VCL: variants seen among roughly 807,000 people sequenced by gnomAD.
The protein encoded by VCL is vinculin.
Under a neutral mutation model 125.7 loss-of-function variants are expected in VCL, and 47 were observed. The observed-to-expected ratio is 0.37, with a 90% CI of 0.30 to 0.48. The LOEUF is 0.48. Among genes scored for constraint, VCL ranks in the 20% least tolerant of loss-of-function variants. The pLI is 0.99. For synonymous variants in VCL, 458 were observed against 514.6 expected (o/e 0.89, Z 1.49); for missense variants, 1,069 against 1,455.5 (o/e 0.73, Z 4.32).
intron 14 of VCL, among the ~76,000 whole-genome samples, chr10:74,103,034 T>C (rs1388396374): frequency 6.6e-6 from 1 of 152,038 alleles, no homozygotes; most frequent in East Asian, 1.9e-4. Flanking sequence ...ACCCGGCTAG[T>C]TTTTTGTATT....
chr10:74,028,325 C>G (rs1421666673), intron 1 of VCL, among the ~76,000 whole-genome samples: 1 of 151,518 alleles, frequency 6.6e-6, no homozygotes, highest in African/African-American at 2.4e-5. Flanking sequence ...TTCAAGTGAT[C>G]TTCCAGCCTT....
chr10:74,021,591 C>T (rs1287770963), intron 1 of VCL, among the ~76,000 whole-genome samples: 1 of 152,096 alleles, frequency 6.6e-6, no homozygotes, highest in African/African-American at 2.4e-5. Context: ...TCTGTAAAAC[C>T]AAAACATGAT....
intron 5 of VCL, among the ~76,000 whole-genome samples, chr10:74,073,933 T>C (rs982759985): frequency 1.3e-5 from 2 of 152,142 alleles, no homozygotes; most frequent in East Asian, 3.8e-4. Flanking sequence ...CATATGAGTA[T>C]AAGAGTTCAG....
intron 18 of VCL, 116 bp downstream of exon 18, chr10:74,109,272 T>G (rs534716766): frequency 7.6e-7 from 1 of 1,324,142 alleles, no homozygotes; most frequent in South Asian, 1.2e-5. Context: ...CTCCTTTGGT[T>G]CCTGTGTTGC....
chr10:74,084,787 T>G (rs529542968), intron 8 of VCL, among the ~76,000 whole-genome samples: 1 of 151,128 alleles, frequency 6.6e-6, no homozygotes, highest in South Asian at 2.1e-4. Context: ...TAAGTTTGTA[T>G]TTTTAGTAGA....
At chr10:74,011,977 A>G (rs190286090) in intron 1 of VCL, among the ~76,000 whole-genome samples, 9 of 152,358 alleles carry the variant, frequency 5.9e-5, no homozygotes, top group Middle Eastern at 3.4e-3. Context: ...TTAAGGGGAA[A>G]GTGGCTGAAT....
Position 74,071,053 on chromosome 10 carries a change from T to A in VCL, c.469T>A (p.Leu157Met). Residue 157 changes from leucine to methionine, a missense_variant, in exon 4 of 22, where the codon TTG becomes ATG. Physicochemically the swap from Leu to Met is conservative, Grantham distance 15 (BLOSUM62 2). Around this residue, in one of 6 missense-constraint regions of VCL, gnomAD observed 760 missense variants for 928.9 expected, o/e 0.82. Transcript: ENST00000211998. The surrounding 1 kb of genome is among the most constrained non-coding windows in gnomAD (Gnocchi z 4.1). ...AGAGGTGGTGGAGACTATGGAAGAT[T>A]TGGTCACTTACACAAAGAATCTTGG... is the stretch of plus-strand genomic sequence containing the variant. The part of the protein sequence containing the change: ...VAEVVETMED[L>M]VTYTKNLGPG... 1 of 1,614,142 alleles carries A rather than the reference T, an allele frequency of 6.2e-7. No individual in the cohort carries two copies. Among genetic ancestry groups the A allele is most frequent in the Non-Finnish European group, 8.5e-7 (1 of 1,179,992 alleles).
At position 74,107,331 on chromosome 10, in the gene VCL, C is replaced by T; in HGVS notation, c.2536C>T (p.Pro846Ser). Residue 846 changes from proline to serine, a missense_variant, in exon 17 of 22, where the codon CCA (proline) becomes TCA (serine). Pro to Ser is a moderately conservative substitution (Grantham distance 74). This residue lies in a region of VCL where 760 missense variants were observed against 928.9 expected (regional missense o/e 0.82). Transcript: ENST00000211998. ...TCAGGAGCCTGACTTCCCGCCGCCT[C>T]CACCAGACCTTGAACAACTCCGAGT... ...QPQEPDFPPP[P>S]PDLEQLRLTD... is the part of the protein sequence containing the mutation. The T allele has an allele frequency of 1.2e-6, 2 of 1,614,174 alleles. No individual in the cohort carries two copies. The highest frequency in any genetic ancestry group is 1.7e-6 in the Non-Finnish European group (2 of 1,180,036).
rs191498883 is a variant in VCL, at chr10:74,046,861, T to G, written c.239+3708T>G. 6.8e-4 allele frequency among the ~76,000 whole-genome samples: 104 copies of G among 152,372 alleles called. 1 individual carries two copies. The highest frequency in any genetic ancestry group is 2.5e-3 in the African/African-American group (102 of 41,592). On this transcript the variant is annotated intron_variant, in intron 2 of 21. Transcript: ENST00000211998. The stretch of plus-strand genomic sequence containing the variant: ...CATATTCTGAAATATGCTATGTGCT[T>G]TCACAGACTTCTTTGGGGACTTAGA...
intron 1 of VCL, among the ~76,000 whole-genome samples, chr10:74,006,933 G>T (rs983047910): frequency 1.3e-5 from 2 of 152,032 alleles, no homozygotes; most frequent in Admixed American, 6.6e-5. Flanking sequence ...TAGTTATGAA[G>T]TGTTTATGTT....
intron 1 of VCL, among the ~76,000 whole-genome samples, chr10:74,022,784 G>A (rs150014740): frequency 0.077 from 11,661 of 151,338 alleles, 539 homozygotes; most frequent in Middle Eastern, 0.14. Flanking sequence ...TTACAGGTGC[G>A]TGCCACCACA....
At chr10:74,040,336 TA>T (rs1394796016) in intron 1 of VCL, among the ~76,000 whole-genome samples, 1 of 152,206 alleles carries the variant, frequency 6.6e-6, no homozygotes, top group Non-Finnish European at 1.5e-5. Flanking sequence ...AAGCAATGTT[TA>T]ATAACACTGA....
rs1342797534 is a variant in VCL at position 74,018,663 on chromosome 10, A to T, written c.168+20288A>T. ...GGTGGATTGTGTCCCTTGTGAAGGGACTCAGACGACATAAATCAGTTAAAA... is the reference window on the plus strand; with the variant it reads ...GGTGGATTGTGTCCCTTGTGAAGGGTCTCAGACGACATAAATCAGTTAAAA... On this transcript the variant is annotated intron_variant, in intron 1 of 21. Coordinates refer to ENST00000211998, the MANE Select transcript of VCL (RefSeq NM_014000.3). 6.2e-4 allele frequency among the ~76,000 whole-genome samples: 94 copies of T among 151,906 alleles called. 2 individuals carry two copies. Among genetic ancestry groups the T allele is most frequent in the Admixed American group, 6.2e-3 (94 of 15,208 alleles).
intron 1 of VCL, among the ~76,000 whole-genome samples, chr10:74,017,769 C>A (rs1350709121): frequency 6.6e-6 from 1 of 151,866 alleles, no homozygotes; most frequent in Non-Finnish European, 1.5e-5. Flanking sequence ...TTTTATTATA[C>A]TTAAAATTGT....
chr10:74,018,643 A>T (rs1225415073), intron 1 of VCL, among the ~76,000 whole-genome samples: 1 of 152,160 alleles, frequency 6.6e-6, no homozygotes, highest in Non-Finnish European at 1.5e-5. Flanking sequence ...GTTAAGGTGG[A>T]TTGTGTCCCT....
intron 2 of VCL, among the ~76,000 whole-genome samples, chr10:74,043,927 G>T (rs951701443): frequency 6.6e-6 from 1 of 151,678 alleles, no homozygotes; most frequent in Admixed American, 6.6e-5. Flanking sequence ...GGCTAACATG[G>T]TGAAACCCTG....
At chr10:74,073,450 G>C (rs1259532535) in intron 5 of VCL, among the ~76,000 whole-genome samples, 3 of 152,184 alleles carry the variant, frequency 2.0e-5, no homozygotes, top group African/African-American at 7.2e-5. Flanking sequence ...CCTTTGCTGG[G>C]AGGTGGACTC....
intron 1 of VCL, among the ~76,000 whole-genome samples, chr10:74,014,205 A>ATT (rs770665076): frequency 1.5e-4 from 23 of 152,028 alleles, no homozygotes; most frequent in Non-Finnish European, 3.1e-4. Context: ...TCAAGCATTA[A>ATT]TTGTCTTTTC....
intron 12 of VCL, 98 bp downstream of exon 12, chr10:74,095,953 G>A: frequency 7.1e-7 from 1 of 1,413,544 alleles, no homozygotes; most frequent in Non-Finnish European, 9.7e-7. Flanking sequence ...ATAATTTCTG[G>A]GGTCTAGGGA....
Sources: gnomAD v4.1 joint callset for allele counts (sites outside exome capture counted in the v4.1 genomes callset) on GRCh38, gnomAD v4.1.1 for gene constraint, gnomAD v4.1.1 regional missense constraint, Gnocchi (gnomAD v3.1) non-coding constraint, MANE v1.5 for transcripts, NCBI Gene and HGNC (gene_info 2026-07-23, HGNC 2026-07-21) for gene names.